Variants in JAK2 observed in about 807,000 individuals in gnomAD.
JAK2 encodes tyrosine-protein kinase JAK2.
Under a neutral mutation model 139.3 loss-of-function variants are expected in JAK2, and 86 were observed. The ratio of observed to expected loss-of-function variants is 0.62; its 90% CI spans 0.52 to 0.74. The LOEUF is 0.74. Among genes scored for constraint, JAK2 ranks in the 30% least tolerant of loss-of-function variants. The pLI, the probability that JAK2 is intolerant of heterozygous loss-of-function variation, is 0.00. For synonymous variants in JAK2, 490 were observed against 437.7 expected (o/e 1.12, Z -1.49); for missense variants, 1,421 against 1,360.3 (o/e 1.04, Z -0.70).
Position 5,054,898 on chromosome 9 carries a change from A to G in JAK2, c.936+14A>G, listed in dbSNP as rs778048032. The G allele has an allele frequency of 4.6e-6, 7 of 1,530,530 alleles. No homozygotes were observed. Among genetic ancestry groups the G allele is most frequent in the Non-Finnish European group, 6.2e-6 (7 of 1,126,878 alleles). The allele number at this position is 1,530,530 out of a possible 1,614,324, so 94.8% of individuals were successfully genotyped here. On this transcript the variant is annotated intron_variant, in intron 7 of 24. Coordinates refer to ENST00000381652, the MANE Select transcript of JAK2 (RefSeq NM_004972.4). The surrounding 1 kb of genome is among the most constrained non-coding windows in gnomAD (Gnocchi z 4.9). ...CTGACAGAACAGGTAATCCTTAATG[A>G]TATGTTCTTGTTCTTTGTTATTTTA... is the stretch of plus-strand genomic sequence containing the variant.
At chr9:5,053,758 C>G (rs148078441) in intron 6 of JAK2, among the ~76,000 whole-genome samples, 1 of 151,722 alleles carries the variant, frequency 6.6e-6, no homozygotes, top group East Asian at 1.9e-4. Context: ...ATTAATTTAG[C>G]AAGTCCTTTG....
At chr9:5,058,853 A>G (rs1261932398) in intron 8 of JAK2, among the ~76,000 whole-genome samples, 1 of 152,170 alleles carries the variant, frequency 6.6e-6, no homozygotes, top group East Asian at 1.9e-4. Flanking sequence ...AGAAATATAT[A>G]TTCAAGTCCT....
At chr9:5,086,060 A>G (rs118138024) in intron 19 of JAK2, 20,080 of 712,942 alleles carry the variant, frequency 0.028, 530 homozygotes, top group East Asian at 0.084. Flanking sequence ...CAAGATTAAA[A>G]TAGGGTATCT....
chr9:5,082,009 G>T (rs1175039819), intron 19 of JAK2, 148 bp downstream of exon 19: 9 of 676,752 alleles, frequency 1.3e-5, no homozygotes, highest in Middle Eastern at 3.1e-4. Context: ...GAAATGCTGT[G>T]TTAAATAAAC....
intron 2 of JAK2, among the ~76,000 whole-genome samples, chr9:4,998,959 C>CTACAGGT (rs1820766990): frequency 6.6e-6 from 1 of 150,908 alleles, no homozygotes; most frequent in African/African-American, 2.4e-5. Flanking sequence ...GTAGCTGGGA[C>CTACAGGT]TACAGGTGCC....
Position 5,073,695 on chromosome 9 carries a change from TA to T in JAK2, c.1777-2del. The T allele has an allele frequency of 1.2e-6, 2 of 1,605,844 alleles. No homozygotes were observed. Among genetic ancestry groups the T allele is most frequent in the Admixed American group, 3.4e-5 (2 of 59,696 alleles). ...AATTCTTTGTACTTTTTTTTTTCCT[TA>T]GTCTTTCTTTGAAGCAGCAAGTATG... On this transcript the variant is annotated splice_acceptor_variant, in intron 13 of 24. Transcript: ENST00000381652. LOFTEE classifies it high-confidence loss of function.
chr9:5,004,536 G>A (rs1425263678), intron 2 of JAK2, among the ~76,000 whole-genome samples: 1 of 152,128 alleles, frequency 6.6e-6, no homozygotes, highest in Non-Finnish European at 1.5e-5. Context: ...CAGTTCATCT[G>A]TTGATGGACA....
chr9:5,110,313 A>C (rs1261473231), intron 22 of JAK2: 1 of 152,182 alleles, frequency 6.6e-6, no homozygotes, highest in Non-Finnish European at 1.5e-5. Context: ...AGGGGCTGTT[A>C]CCACCTTATT....
chr9:5,070,670 C>G (rs1451884420), intron 12 of JAK2, among the ~76,000 whole-genome samples: 1 of 151,978 alleles, frequency 6.6e-6, no homozygotes, highest in Non-Finnish European at 1.5e-5. Context: ...AGTTTCCTTG[C>G]AGATGCAGAA....
rs372452094 is a variant in JAK2, at chr9:5,043,232, G to T, written c.351-1171G>T. Among the ~76,000 whole-genome samples, 697 of 152,254 alleles carry T rather than the reference G, an allele frequency of 4.6e-3. 6 individuals are homozygous for T. Among genetic ancestry groups the T allele is most frequent in the African/African-American group, 0.016 (661 of 41,540 alleles). The stretch of plus-strand genomic sequence containing the variant: ...TGCCCAGGGCGGTGGCCGTGAGTCT[G>T]GTTTTTGCTTTACCAAGTGTACGGA... On this transcript the variant is annotated intron_variant, in intron 4 of 24. Coordinates refer to ENST00000381652, the MANE Select transcript of JAK2 (RefSeq NM_004972.4).
At chr9:5,116,409 T>C (rs189707524) in intron 22 of JAK2, among the ~76,000 whole-genome samples, 30 of 152,326 alleles carry the variant, frequency 2.0e-4, no homozygotes, top group Non-Finnish European at 3.8e-4. Flanking sequence ...TGATAAACAT[T>C]AGAACTGCGT....
chr9:5,018,795 C>G (rs1822231515), intron 2 of JAK2, among the ~76,000 whole-genome samples: 1 of 152,226 alleles, frequency 6.6e-6, no homozygotes, highest in Non-Finnish European at 1.5e-5. Flanking sequence ...GTATCCTTGA[C>G]TTGCAGGTTT....
At chr9:5,110,717 C>T (rs1002893726) in intron 22 of JAK2, 7 of 348,860 alleles carry the variant, frequency 2.0e-5, no homozygotes, top group Non-Finnish European at 3.9e-5. Flanking sequence ...ACCTCCTTAA[C>T]TGCTGGCTAT....
Position 5,066,464 on chromosome 9 carries a change from A to G in JAK2, c.1215-214A>G, listed in dbSNP as rs558790375. 1.2e-4 allele frequency among the ~76,000 whole-genome samples: 19 copies of G among 152,240 alleles called. No individual in the cohort carries two copies. In the South Asian group the frequency reaches 3.3e-3, roughly 27 times the overall value. ...TTATAAATACCTTTTATTGGTTTTT[A>G]AAGCTATATAATTGTCCCTTGAAGT... On this transcript the variant is annotated intron_variant, in intron 9 of 24. Coordinates refer to ENST00000381652, the MANE Select transcript of JAK2 (RefSeq NM_004972.4).
chr9:5,051,430 T>TGG (rs956370102), intron 6 of JAK2, among the ~76,000 whole-genome samples: 3 of 152,026 alleles, frequency 2.0e-5, no homozygotes, highest in Non-Finnish European at 4.4e-5. Context: ...TAGACTCACG[T>TGG]GGGGGAGCCT....
In JAK2 at chr9:5,090,738, G is replaced by C. The variant is rs771458284; in HGVS notation, c.2887-1G>C. On this transcript the variant is annotated splice_acceptor_variant, in intron 21 of 24. Coordinates refer to ENST00000381652, the MANE Select transcript of JAK2 (RefSeq NM_004972.4). LOFTEE classifies it high-confidence loss of function. Reference sequence around the variant, plus strand: ...CTGAAAGAAAAATGTTTTATCCATAGGGTATGGAGTATCTTGGTACAAAAA... The same window carrying C: ...CTGAAAGAAAAATGTTTTATCCATACGGTATGGAGTATCTTGGTACAAAAA... 6.3e-7 allele frequency: 1 copy of C among 1,595,050 alleles called. No individual in the cohort carries two copies. Among genetic ancestry groups the C allele is most frequent in the Non-Finnish European group, 8.5e-7 (1 of 1,174,308 alleles).
intron 19 of JAK2, among the ~76,000 whole-genome samples, chr9:5,088,628 C>A (rs944548439): frequency 6.6e-6 from 1 of 152,128 alleles, no homozygotes; most frequent in Non-Finnish European, 1.5e-5. Flanking sequence ...ATACCATAGA[C>A]TGGGTAGCTT....
At chr9:5,035,893 G>A (rs112612684) in intron 4 of JAK2, among the ~76,000 whole-genome samples, 1 of 152,270 alleles carries the variant, frequency 6.6e-6, no homozygotes, top group Non-Finnish European at 1.5e-5. Context: ...CAGTCAGGCT[G>A]GAGAAGGAAA....
At chr9:5,088,468 G>A (rs576989229) in intron 19 of JAK2, among the ~76,000 whole-genome samples, 1 of 152,090 alleles carries the variant, frequency 6.6e-6, no homozygotes, top group South Asian at 2.1e-4. Flanking sequence ...TTATTTAAAT[G>A]TTATAGCAAC....
Sources: gnomAD v4.1 joint callset for allele counts (sites outside exome capture counted in the v4.1 genomes callset) on GRCh38, gnomAD v4.1.1 for gene constraint, Gnocchi (gnomAD v3.1) non-coding constraint, MANE v1.5 for transcripts, NCBI Gene and HGNC (gene_info 2026-07-23, HGNC 2026-07-21) for gene names.